ADAMTSL3: variants seen among roughly 807,000 people sequenced by gnomAD.
ADAMTSL3 encodes ADAMTS-like protein 3.
ADAMTSL3 carries 128 observed loss-of-function variants against 201.7 expected under a neutral mutation model. The observed-to-expected ratio is 0.63, with a 90% CI of 0.55 to 0.73. The LOEUF is 0.73. ADAMTSL3 is among the 30% of genes least tolerant of loss of function. The pLI is 0.00. For missense variants in ADAMTSL3, 1,990 were observed against 2,119.6 expected (o/e 0.94, Z 1.20); for synonymous variants, 738 against 748.4 (o/e 0.99, Z 0.23).
At chr15:83,772,953 A>G (rs1447755366) in intron 3 of ADAMTSL3, among the ~76,000 whole-genome samples, 1 of 152,180 alleles carries the variant, frequency 6.6e-6, no homozygotes, top group Non-Finnish European at 1.5e-5. Flanking sequence ...AATATAATTG[A>G]TATTTAGCCA....
chr15:83,773,409 A>T (rs898775548), intron 3 of ADAMTSL3, 114 bp from the exon 4 acceptor site: 53 of 426,362 alleles, frequency 1.2e-4, no homozygotes, highest in East Asian at 8.8e-4. Flanking sequence ...TGTCTCAATT[A>T]AAAAAAAAAA....
At chr15:83,952,250 T>C (rs549457679) in intron 19 of ADAMTSL3, among the ~76,000 whole-genome samples, 1 of 152,354 alleles carries the variant, frequency 6.6e-6, no homozygotes, top group African/African-American at 2.4e-5. Context: ...AAATTCCGTG[T>C]ATTTGTACAT....
chr15:83,700,649 A>G (rs540010058), intron 2 of ADAMTSL3, among the ~76,000 whole-genome samples: 29 of 152,296 alleles, frequency 1.9e-4, no homozygotes, highest in African/African-American at 6.7e-4. Context: ...TTGTAATCCC[A>G]GCTACTAGGA....
At chr15:83,718,817 T>C (rs921157469) in intron 3 of ADAMTSL3, among the ~76,000 whole-genome samples, 1 of 152,168 alleles carries the variant, frequency 6.6e-6, no homozygotes, top group Non-Finnish European at 1.5e-5. Context: ...CATTAGTCAC[T>C]GTTGGCGGGT....
intron 20 of ADAMTSL3, among the ~76,000 whole-genome samples, chr15:83,974,661 T>C (rs943992606): frequency 2.0e-5 from 3 of 152,222 alleles, no homozygotes; most frequent in Non-Finnish European, 4.4e-5. Context: ...TTAAATATGT[T>C]AGATGTGGTT....
At chr15:83,952,088 T>G (rs2066769133) in intron 19 of ADAMTSL3, among the ~76,000 whole-genome samples, 1 of 152,178 alleles carries the variant, frequency 6.6e-6, no homozygotes, top group African/African-American at 2.4e-5. Context: ...ATGTAGGCAT[T>G]TATAGCTATA....
At chr15:83,860,696 A>G (rs1393882672) in intron 8 of ADAMTSL3, among the ~76,000 whole-genome samples, 1 of 152,216 alleles carries the variant, frequency 6.6e-6, no homozygotes, top group Non-Finnish European at 1.5e-5. Flanking sequence ...TGGAGCCAAG[A>G]TGGCCGAATA....
intron 3 of ADAMTSL3, among the ~76,000 whole-genome samples, chr15:83,762,299 C>A (rs1247595001): frequency 1.3e-5 from 2 of 152,164 alleles, no homozygotes; most frequent in African/African-American, 4.8e-5. Context: ...AGTTTAGACA[C>A]TGGGCCTCAT....
chr15:83,768,989 A>T (rs958751840), intron 3 of ADAMTSL3, among the ~76,000 whole-genome samples: 6 of 152,202 alleles, frequency 3.9e-5, no homozygotes, highest in African/African-American at 7.2e-5. Context: ...TTGAGGTGCC[A>T]TTCGTGCTCT....
intron 5 of ADAMTSL3, among the ~76,000 whole-genome samples, chr15:83,810,831 C>T (rs1336301606): frequency 2.6e-5 from 4 of 152,142 alleles, no homozygotes; most frequent in South Asian, 2.1e-4. Flanking sequence ...CTCTGCCTCC[C>T]GGGTTCAAGC....
chr15:83,924,440 A>C (rs1018913943), intron 17 of ADAMTSL3, among the ~76,000 whole-genome samples: 1 of 152,178 alleles, frequency 6.6e-6, no homozygotes, highest in Non-Finnish European at 1.5e-5. Flanking sequence ...ATATTTGTTG[A>C]GTGACTGTGT....
intron 17 of ADAMTSL3, among the ~76,000 whole-genome samples, chr15:83,934,634 C>T (rs889713176): frequency 2.6e-5 from 4 of 152,054 alleles, no homozygotes; most frequent in South Asian, 2.1e-4. Context: ...GTGTCCCCAC[C>T]GAAATATCAT....
chr15:83,787,849 C>T (rs71408817), intron 4 of ADAMTSL3, among the ~76,000 whole-genome samples: 22,438 of 151,826 alleles, frequency 0.15, 2,227 homozygotes, highest in Middle Eastern at 0.31. Context: ...CCTTTCTCAA[C>T]CTCTCCCTCC....
chr15:83,686,561 G>T (rs1008572586), intron 2 of ADAMTSL3, among the ~76,000 whole-genome samples: 3 of 152,142 alleles, frequency 2.0e-5, no homozygotes, highest in African/African-American at 7.2e-5. Context: ...TTGCAGTTAG[G>T]TCTTTTCACA....
intron 7 of ADAMTSL3, among the ~76,000 whole-genome samples, chr15:83,857,752 C>T (rs898109580): frequency 6.6e-6 from 1 of 152,114 alleles, no homozygotes; most frequent in Non-Finnish European, 1.5e-5. Flanking sequence ...GCAAACTAGT[C>T]AATCAATATA....
intron 3 of ADAMTSL3, among the ~76,000 whole-genome samples, chr15:83,762,045 C>A (rs952303103): frequency 2.7e-5 from 4 of 150,728 alleles, no homozygotes; most frequent in African/African-American, 9.9e-5. Flanking sequence ...ATAGGTACAT[C>A]CCAGAATATG....
At chr15:83,669,984 AT>A (rs1003820638) in intron 2 of ADAMTSL3, among the ~76,000 whole-genome samples, 3 of 151,304 alleles carry the variant, frequency 2.0e-5, no homozygotes, top group African/African-American at 7.3e-5. Flanking sequence ...GGGGCTGAGC[AT>A]GGTGGCTCAC....
chr15:83,729,386 C>G (rs1279489631), intron 3 of ADAMTSL3, among the ~76,000 whole-genome samples: 1 of 152,124 alleles, frequency 6.6e-6, no homozygotes, highest in African/African-American at 2.4e-5. Flanking sequence ...ACCAATAACT[C>G]TTAGATGTCC....
chr15:83,744,538 C>T (rs940257384), intron 3 of ADAMTSL3, among the ~76,000 whole-genome samples: 2 of 152,110 alleles, frequency 1.3e-5, no homozygotes, highest in Admixed American at 6.5e-5. Flanking sequence ...AATATGCATA[C>T]ATTGTGGACT....
Sources: allele counts gnomAD v4.1 joint callset (sites outside exome capture counted in the v4.1 genomes callset), GRCh38; gene constraint gnomAD v4.1.1; transcripts MANE v1.5; gene names NCBI Gene and HGNC (gene_info 2026-07-23, HGNC 2026-07-21).